Variants in NEK11 observed in about 807,000 individuals in gnomAD.
The protein encoded by NEK11 is NIMA related kinase 11.
A neutral mutation model predicts 80.7 loss-of-function variants in NEK11; 72 were observed. That is an observed-to-expected ratio of 0.89 (90% CI 0.74 to 1.08). The LOEUF (loss-of-function observed/expected upper bound fraction) is 1.08, where lower values mean the gene tolerates loss of function less well. NEK11 is among the 50% of genes least tolerant of loss of function. The probability of loss-of-function intolerance (pLI) is 0.00; values close to 1 mark genes in which losing one functional copy is unlikely to be tolerated. For missense variants in NEK11, 764 were observed against 763.6 expected (o/e 1.00, Z -0.01); for synonymous variants, 251 against 260.7 (o/e 0.96, Z 0.36).
At chr3:131,244,125 AG>A (rs200359823) in intron 16 of NEK11, among the ~76,000 whole-genome samples, 1,669 of 152,202 alleles carry the variant, frequency 0.011, 35 homozygotes, top group African/African-American at 0.038. Flanking sequence ...TTTGATTACA[AG>A]TTTTTATTTA....
chr3:131,031,199 A>G (rs1473709395), intron 3 of NEK11, among the ~76,000 whole-genome samples: 7 of 152,202 alleles, frequency 4.6e-5, no homozygotes, highest in East Asian at 1.9e-4. Flanking sequence ...AGAATTTTTA[A>G]AAGCTGTAAT....
intron 14 of NEK11, among the ~76,000 whole-genome samples, chr3:131,212,436 G>A (rs1218178185): frequency 6.6e-6 from 1 of 152,158 alleles, no homozygotes; most frequent in South Asian, 2.1e-4. Flanking sequence ...TAGGCTGCTC[G>A]GGGGTCAGGG....
At chr3:131,234,021 A>T (rs2095384912) in intron 15 of NEK11, among the ~76,000 whole-genome samples, 1 of 152,212 alleles carries the variant, frequency 6.6e-6, no homozygotes, top group African/African-American at 2.4e-5. Flanking sequence ...TCTGCACAAC[A>T]ATTAGAATTG....
intron 17 of NEK11, among the ~76,000 whole-genome samples, chr3:131,278,610 C>T (rs995996180): frequency 3.3e-5 from 5 of 151,986 alleles, no homozygotes; most frequent in Non-Finnish European, 7.4e-5. Flanking sequence ...AGGCCTGGCT[C>T]CATGCTCCCA....
intron 3 of NEK11, among the ~76,000 whole-genome samples, chr3:131,051,421 A>C (rs2068395665): frequency 2.0e-5 from 3 of 152,206 alleles, no homozygotes; most frequent in African/African-American, 7.2e-5. Context: ...CCAGGTCTAA[A>C]ATACCCCGGC....
intron 17 of NEK11, among the ~76,000 whole-genome samples, chr3:131,326,725 T>C (rs1326337416): frequency 6.6e-6 from 1 of 152,088 alleles, no homozygotes; most frequent in African/African-American, 2.4e-5. Flanking sequence ...AAGCACGAAG[T>C]CCATGGAGCA....
intron 17 of NEK11, among the ~76,000 whole-genome samples, chr3:131,280,679 G>GT: frequency 6.6e-6 from 1 of 152,184 alleles, no homozygotes; most frequent in Non-Finnish European, 1.5e-5. Flanking sequence ...GTAGAGTACA[G>GT]TTATACTAAT....
At position 131,210,370 on chromosome 3, in the gene NEK11, G is replaced by T. The variant is rs1410267686; in HGVS notation, c.1400-18158G>T. On this transcript the variant is annotated intron_variant, in intron 14 of 17. Transcript: ENST00000383366. ...TTATAATTTCTGTTCTTTTACGTTT[G>T]CTGAGGAGTGCTTTACTTCCAACTA... 3.9e-5 allele frequency among the ~76,000 whole-genome samples: 6 copies of T among 152,192 alleles called. No individual in the cohort carries two copies. In the East Asian group the frequency reaches 1.2e-3, roughly 29 times the overall value.
intron 3 of NEK11, among the ~76,000 whole-genome samples, chr3:131,042,670 G>A (rs917561915): frequency 1.3e-5 from 2 of 152,164 alleles, no homozygotes; most frequent in Admixed American, 6.5e-5. Flanking sequence ...GGGAAGGGGC[G>A]GCTGTGGGTA....
chr3:131,116,671 C>A (rs565923127), intron 5 of NEK11, among the ~76,000 whole-genome samples: 2,045 of 151,798 alleles, frequency 0.013, 56 homozygotes, highest in African/African-American at 0.046. Context: ...TGCCATTCTA[C>A]CTGGTGTGAG....
intron 14 of NEK11, among the ~76,000 whole-genome samples, chr3:131,214,024 G>C (rs1465654903): frequency 6.6e-6 from 1 of 152,142 alleles, no homozygotes; most frequent in Non-Finnish European, 1.5e-5. Flanking sequence ...TACAAGAAGA[G>C]GACAGCAGTC....
chr3:131,349,695 T>C lies in NEK11; in HGVS notation c.1857T>C (p.Phe619=). The change falls in exon 18 of 18, where the codon TTT becomes TTC. Residue 619 remains phenylalanine (F), a synonymous_variant. Transcript: ENST00000383366. The stretch of plus-strand genomic sequence containing the variant: ...TGGTGCCTCAAGCCAGCGACTGTTT[T>C]GAAGTGGACCAGCTCCTGTACTTTG... ...EKVVPQASDC[F]EVDQLLYFEE... 6.2e-7 allele frequency: 1 copy of C among 1,614,116 alleles called. No homozygotes were observed.
At chr3:131,324,496 C>T (rs1235311627) in intron 17 of NEK11, among the ~76,000 whole-genome samples, 2 of 152,074 alleles carry the variant, frequency 1.3e-5, no homozygotes, top group Non-Finnish European at 1.5e-5. Context: ...TCTAGTTATG[C>T]TTGGTAAAGA....
intron 17 of NEK11, among the ~76,000 whole-genome samples, chr3:131,331,203 C>T (rs909470195): frequency 6.6e-6 from 1 of 152,184 alleles, no homozygotes; most frequent in Non-Finnish European, 1.5e-5. Context: ...TTTGTGTTTA[C>T]CCTGTCACAG....
chr3:131,096,387 G>T (rs534827587), intron 4 of NEK11, among the ~76,000 whole-genome samples: 4 of 152,152 alleles, frequency 2.6e-5, no homozygotes, highest in African/African-American at 9.6e-5. Context: ...GGAGTATTCC[G>T]TGGTGTATAT....
chr3:131,103,902 C>T (rs1222457535), intron 4 of NEK11, among the ~76,000 whole-genome samples: 1 of 152,192 alleles, frequency 6.6e-6, no homozygotes, highest in Non-Finnish European at 1.5e-5. Context: ...CCTTCCCCAC[C>T]TTGGGGGCAG....
chr3:131,300,003 TA>T (rs1186491423), intron 17 of NEK11, among the ~76,000 whole-genome samples: 2 of 152,226 alleles, frequency 1.3e-5, no homozygotes, highest in Non-Finnish European at 2.9e-5. Context: ...TGGCAGTGTA[TA>T]AGCATTCCCT....
At chr3:131,300,146 T>C (rs182593217) in intron 17 of NEK11, among the ~76,000 whole-genome samples, 1 of 152,354 alleles carries the variant, frequency 6.6e-6, no homozygotes, top group Admixed American at 6.5e-5. Flanking sequence ...TGAGCATATT[T>C]CATATGTTTG....
intron 17 of NEK11, among the ~76,000 whole-genome samples, chr3:131,337,051 G>A (rs1481891127): frequency 1.3e-5 from 2 of 152,196 alleles, no homozygotes; most frequent in Non-Finnish European, 1.5e-5. Flanking sequence ...GTGGAAGTCA[G>A]TGTGGCAATT....
Sources: allele counts gnomAD v4.1 joint callset (sites outside exome capture counted in the v4.1 genomes callset), GRCh38; gene constraint gnomAD v4.1.1; transcripts MANE v1.5; gene names NCBI Gene and HGNC (gene_info 2026-07-23, HGNC 2026-07-21).